Variants in ERCC1 observed in about 807,000 individuals in gnomAD.
The protein encoded by ERCC1 is DNA excision repair protein ERCC-1.
A neutral mutation model predicts 37.6 loss-of-function variants in ERCC1; 36 were observed. The observed-to-expected ratio is 0.96, with a 90% CI of 0.73 to 1.26. The LOEUF (loss-of-function observed/expected upper bound fraction) is 1.26, where lower values mean the gene tolerates loss of function less well. Among genes scored for constraint, ERCC1 ranks in the 50% most tolerant of loss-of-function variants. The pLI is 0.00. For synonymous variants in ERCC1, 156 were observed against 162.1 expected (o/e 0.96, Z 0.28); for missense variants, 349 against 376.5 (o/e 0.93, Z 0.60).
At chr19:45,427,137 AAAACAAAC>A (rs543989337), upstream of ERCC1, among the ~76,000 whole-genome samples, 1 of 152,048 alleles carries the variant, frequency 6.6e-6, no homozygotes, top group Non-Finnish European at 1.5e-5. Flanking sequence ...CAAACAAAAC[AAAACAAAC>A]AAACAAACAA....
At chr19:45,418,402 C>T (rs1974190440) in intron 5 of ERCC1, among the ~76,000 whole-genome samples, 1 of 152,174 alleles carries the variant, frequency 6.6e-6, no homozygotes, top group Non-Finnish European at 1.5e-5. Flanking sequence ...ATGGTGTCAT[C>T]CCAGTTGCTC....
At chr19:45,434,305 A>G (rs1401728410) in intron 1 of ERCC1, among the ~76,000 whole-genome samples, 1 of 147,246 alleles carries the variant, frequency 6.8e-6, no homozygotes, top group Non-Finnish European at 1.5e-5. Context: ...ACATGGTGAA[A>G]CACCGTGTCT....
At position 45,408,326 on chromosome 19, in the gene ERCC1, G is replaced by C. The variant is rs1420341913; in HGVS notation, c.*1349C>G. The C allele has an allele frequency of 6.2e-7, 1 of 1,609,512 alleles. No individual in the cohort carries two copies. Among genetic ancestry groups the C allele is most frequent in the Non-Finnish European group, 8.5e-7 (1 of 1,176,810 alleles). On this transcript the variant is annotated 3_prime_UTR_variant, in exon 10 of 10. Transcript: ENST00000300853. ...CCAGGGCACCCTAAGGATCCTTGAG[G>C]GTCCCCAGCAATCCCTGTCAGGGAG...
chr19:45,410,927 G>A lies in ERCC1; in HGVS notation c.844-1202C>T, dbSNP rs542084718. On this transcript the variant is annotated intron_variant, in intron 9 of 9. Coordinates refer to ENST00000300853, the MANE Select transcript of ERCC1 (RefSeq NM_001983.4). ...CAACCTCCGCCTCCCGGATTCAAGC[G>A]ATTCTCCTGCCTCAGCCTCCCAAGT... is the stretch of plus-strand genomic sequence containing the variant. Among the ~76,000 whole-genome samples the A allele has an allele frequency of 3.9e-5, 6 of 152,152 alleles. No homozygotes were observed. The South Asian group carries it at 1.2e-3, about 32-fold the overall frequency.
rs755866380 is a variant in ERCC1 at position 45,421,355 on chromosome 19, A to G, written c.144T>C (p.Thr48=). The G allele has an allele frequency of 4.3e-6, 7 of 1,613,880 alleles. No homozygotes were observed. The South Asian group carries it at 4.4e-5, about 10-fold the overall frequency. ...PLFRSTQSLP[T]VDTSAQAAPQ... is the part of the protein sequence containing the mutation. ...GGGCCGCCTGGGCCGAGGTGTCCAC[A>G]GTGGGAAGGCTCTGTGTAGATCGGA... The change falls in exon 3 of 10, where the codon ACT becomes ACC. Residue 48 remains threonine (T), a synonymous_variant. Coordinates refer to ENST00000300853, the MANE Select transcript of ERCC1 (RefSeq NM_001983.4).
chr19:45,430,386 CTA>C (rs1427076254), intron 1 of ERCC1, among the ~76,000 whole-genome samples: 1 of 152,172 alleles, frequency 6.6e-6, no homozygotes, highest in African/African-American at 2.4e-5. Context: ...ACCGCCATCC[CTA>C]TGTTAGAGAT....
At chr19:45,410,700 A>AT (rs1008571742) in intron 9 of ERCC1, 14 of 151,704 alleles carry the variant, frequency 9.2e-5, no homozygotes, top group African/African-American at 3.4e-4. Flanking sequence ...AATTGTTTTG[A>AT]TTTTTAGATA....
chr19:45,409,686 T>G lies in ERCC1; in HGVS notation c.883A>C (p.Lys295Gln). 9.3e-7 allele frequency: 1 copy of G among 1,070,568 alleles called. No individual in the cohort carries two copies. Among genetic ancestry groups the G allele is most frequent in the Non-Finnish European group, 1.5e-6 (1 of 683,998 alleles). The allele number at this position is 1,070,568 out of a possible 1,614,324, so 66.3% of individuals were successfully genotyped here. A position where few individuals can be genotyped will look rare whatever the true frequency, so the allele number is the denominator to read the frequency against. ...GGCAGCTGGGGTCATCAGGGTACTTTCAAGAAGGGCTCGTGCAGGACATCA... is the reference window on the plus strand; with the variant it reads ...GGCAGCTGGGGTCATCAGGGTACTTGCAAGAAGGGCTCGTGCAGGACATCA... ...LFDVLHEPFL[K>Q]VP Residue 295 changes from lysine to glutamine, a missense_variant, in exon 10 of 10, where the codon AAA becomes CAA. By Grantham distance (53) the Lys-to-Gln change is moderately conservative (BLOSUM62 1). Transcript: ENST00000300853.
chr19:45,450,150 A>G (rs937144414), intron 1 of ERCC1, among the ~76,000 whole-genome samples: 1 of 152,178 alleles, frequency 6.6e-6, no homozygotes, highest in African/African-American at 2.4e-5. Context: ...AGAGGAAGTC[A>G]CAGGTCAAGG....
chr19:45,408,780 A>T lies in ERCC1; in HGVS notation c.*895T>A. ...GAGCCAGAAGACAAGACAGTGAAGC[A>T]GGAACAGATTAACACTGAGCCTCTA... On this transcript the variant is annotated 3_prime_UTR_variant, in exon 10 of 10. Transcript: ENST00000300853. 1.2e-6 allele frequency: 2 copies of T among 1,614,044 alleles called. No individual in the cohort carries two copies. Among genetic ancestry groups the T allele is most frequent in the Non-Finnish European group, 1.7e-6 (2 of 1,180,000 alleles).
At chr19:45,415,839 A>G (rs1360699411) in intron 6 of ERCC1, 1 of 454,878 alleles carries the variant, frequency 2.2e-6, no homozygotes, top group South Asian at 1.6e-5. Flanking sequence ...CTGTTTCCTC[A>G]CTGTAAAGTG....
chr19:45,431,045 C>T (rs1021298945), intron 1 of ERCC1, among the ~76,000 whole-genome samples: 2 of 152,078 alleles, frequency 1.3e-5, no homozygotes, highest in South Asian at 2.1e-4. Flanking sequence ...CTCCACCTCC[C>T]GTGTTCAAGC....
At chr19:45,434,746 C>T (rs62109565) in intron 1 of ERCC1, among the ~76,000 whole-genome samples, 10,794 of 151,294 alleles carry the variant, frequency 0.071, 643 homozygotes, top group East Asian at 0.21. Context: ...TTGCCACACC[C>T]GGCCTTTTTT....
intron 1 of ERCC1, among the ~76,000 whole-genome samples, chr19:45,435,421 T>C (rs1446981035): frequency 6.6e-6 from 1 of 152,166 alleles, no homozygotes; most frequent in Non-Finnish European, 1.5e-5. Context: ...CAACCAAACC[T>C]TGTGCTCTGT....
intron 1 of ERCC1, 69 bp downstream of exon 1, chr19:45,423,712 A>T: frequency 8.4e-7 from 1 of 1,195,286 alleles, no homozygotes; most frequent in South Asian, 2.2e-5. Flanking sequence ...GGCCTTGTCC[A>T]TCTCTCAGAC....
At chr19:45,450,456 G>A (rs917082359) in intron 1 of ERCC1, among the ~76,000 whole-genome samples, 2 of 152,126 alleles carry the variant, frequency 1.3e-5, no homozygotes, top group Non-Finnish European at 2.9e-5. Flanking sequence ...GCTGTAAAAT[G>A]CTCCTGCTCC....
In ERCC1 at chr19:45,407,476, T is replaced by C; in HGVS notation, c.*2199A>G. ...AGGAACTATAGTTAAACTTGGAGTG[T>C]GCAGATAAGCTCACTAAAGGTAGGG... is the stretch of plus-strand genomic sequence containing the variant. On this transcript the variant is annotated 3_prime_UTR_variant, in exon 10 of 10. Coordinates refer to ENST00000300853, the MANE Select transcript of ERCC1 (RefSeq NM_001983.4). 2.1e-6 allele frequency: 1 copy of C among 486,584 alleles called. No individual in the cohort carries two copies. The allele number at this position is 486,584 out of a possible 1,614,324, so 30.1% of individuals were successfully genotyped here. A position where few individuals can be genotyped will look rare whatever the true frequency, so the allele number is the denominator to read the frequency against.
rs112438131 is a variant in ERCC1 at position 45,409,083 on chromosome 19, C to T, written c.*592G>A. 659 of 1,613,594 alleles carry T rather than the reference C, an allele frequency of 4.1e-4. 2 individuals are homozygous for T. In the African/African-American group the frequency reaches 7.2e-3, roughly 18 times the overall value. ...ATGGCGCCTCAACAGCCAGAAGGAG[C>T]GAAGCCTCAGGCCCAGGCAGCTCTG... is the stretch of plus-strand genomic sequence containing the variant. On this transcript the variant is annotated 3_prime_UTR_variant, in exon 10 of 10. Coordinates refer to ENST00000300853, the MANE Select transcript of ERCC1 (RefSeq NM_001983.4).
rs1265094521 is a variant in ERCC1, at chr19:45,416,864, T to C, written c.559A>G (p.Lys187Glu). ...GTGCAGTCGGCCAGGATACACATCT[T>C]AGCCAGCTCCTTGAGGGCCTGCTGG... ...DPQQALKELA[K>E]MCILADCTLI... Residue 187 changes from lysine to glutamate, a missense_variant, in exon 6 of 10, where the codon AAG becomes GAG. Coordinates refer to ENST00000300853, the MANE Select transcript of ERCC1 (RefSeq NM_001983.4). The C allele has an allele frequency of 1.9e-6, 3 of 1,613,744 alleles. No homozygotes were observed. The highest frequency in any genetic ancestry group is 2.5e-6 in the Non-Finnish European group (3 of 1,179,768).
Sources: allele counts gnomAD v4.1 joint callset (sites outside exome capture counted in the v4.1 genomes callset), GRCh38; gene constraint gnomAD v4.1.1; transcripts MANE v1.5; gene names NCBI Gene and HGNC (gene_info 2026-07-23, HGNC 2026-07-21).